ZC3H18: variants seen among roughly 807,000 people sequenced by gnomAD.
The protein encoded by ZC3H18 is zinc finger CCCH domain-containing protein 18.
A neutral mutation model predicts 106.1 loss-of-function variants in ZC3H18; 8 were observed. That is an observed-to-expected ratio of 0.08 (90% CI 0.04 to 0.14). The LOEUF is 0.14. ZC3H18 is among the 10% of genes least tolerant of loss of function. The pLI is 1.00. For synonymous variants in ZC3H18, 635 were observed against 522.1 expected (o/e 1.22, Z -2.95); for missense variants, 1,318 against 1,278.4 (o/e 1.03, Z -0.47).
intron 2 of ZC3H18, among the ~76,000 whole-genome samples, chr16:88,584,864 A>G (rs1462228220): frequency 6.6e-6 from 1 of 152,118 alleles, no homozygotes; most frequent in Non-Finnish European, 1.5e-5. Flanking sequence ...CTGATGCGGG[A>G]AAAACCCTTC....
Position 88,630,179 on chromosome 16 carries a change from G to A in ZC3H18, c.2567-306G>A, listed in dbSNP as rs968272599. 3.8e-5 allele frequency: 13 copies of A among 342,434 alleles called. No individual in the cohort carries two copies. In the Admixed American group the frequency reaches 4.5e-4, roughly 12 times the overall value. 21.2% of individuals were successfully genotyped at this position (342,434 alleles called of 1,614,324 possible). ...ACTGCCATGTCTTTCTTGTTGTTCCGTATTTGAAGACCCATGTGATAAATT... is the reference window on the plus strand; with the variant it reads ...ACTGCCATGTCTTTCTTGTTGTTCCATATTTGAAGACCCATGTGATAAATT... On this transcript the variant is annotated intron_variant, in intron 16 of 17. Coordinates refer to ENST00000301011, the MANE Select transcript of ZC3H18 (RefSeq NM_144604.4).
intron 6 of ZC3H18, among the ~76,000 whole-genome samples, chr16:88,605,093 C>T (rs1378120885): frequency 1.3e-5 from 2 of 152,250 alleles, no homozygotes; most frequent in Admixed American, 1.3e-4. Context: ...CTACCAGATG[C>T]TGGTCCAGCA....
chr16:88,623,978 C>A lies in ZC3H18; in HGVS notation c.1814C>A (p.Ser605Tyr), dbSNP rs1405669373. The A allele has an allele frequency of 1.2e-6, 2 of 1,612,736 alleles. No homozygotes were observed. The highest frequency in any genetic ancestry group is 1.7e-6 in the Non-Finnish European group (2 of 1,179,066). The part of the protein sequence containing the change: ...SRSRSRSFSS[S>Y]PSPSPTPSPH... Reference sequence around the variant, plus strand: ...CCTAGGTCCCGGTCCTTCTCTTCGTCCCCGTCCCCGTCCCCAACACCTTCC... The same window carrying A: ...CCTAGGTCCCGGTCCTTCTCTTCGTACCCGTCCCCGTCCCCAACACCTTCC... The change falls in exon 11 of 18, where the codon TCC becomes TAC. Residue 605 changes from serine (S) to tyrosine (Y), a missense_variant. Coordinates refer to ENST00000301011, the MANE Select transcript of ZC3H18 (RefSeq NM_144604.4).
chr16:88,613,373 T>C (rs1405016200), intron 8 of ZC3H18, among the ~76,000 whole-genome samples: 1 of 152,224 alleles, frequency 6.6e-6, no homozygotes, highest in East Asian at 1.9e-4. Context: ...CAGTGTGGAA[T>C]TGCTAGATCA....
In ZC3H18 at chr16:88,609,295, GTGTT is replaced by G. The variant is rs372050949; in HGVS notation, c.1206+258_1206+261del. 174 of 284,728 alleles carry G rather than the reference GTGTT, an allele frequency of 6.1e-4. 2 individuals carry two copies. In the East Asian group the frequency reaches 7.0e-3, roughly 12 times the overall value. The allele number at this position is 284,728 out of a possible 1,614,324, so 17.6% of individuals were successfully genotyped here. ...TGCTATGGTTTTGTTTTTTTGTGTG[GTGTT>G]TGTTTGTTTGTTTTTTGAGATAGGG... On this transcript the variant is annotated intron_variant, in intron 7 of 17. Transcript: ENST00000301011.
intron 8 of ZC3H18, among the ~76,000 whole-genome samples, chr16:88,616,899 CTT>C (rs1045483927): frequency 7.2e-5 from 11 of 152,184 alleles, no homozygotes; most frequent in African/African-American, 2.7e-4. Context: ...AGCGCAGTCA[CTT>C]TTGTTTGGTC....
chr16:88,580,204 GTGTGTATATGTA>G (rs763441313), intron 2 of ZC3H18, among the ~76,000 whole-genome samples: 2,626 of 68,538 alleles, frequency 0.038, 33 homozygotes, highest in Admixed American at 0.048. Flanking sequence ...GTGTGTGTGT[GTGTGTATATGTA>G]TATGTCTCTG....
intron 9 of ZC3H18, 63 bp from the exon 10 acceptor site, chr16:88,623,156 A>G: frequency 6.3e-7 from 1 of 1,579,044 alleles, no homozygotes; most frequent in Non-Finnish European, 8.6e-7. Context: ...TGTGTGCGTC[A>G]GGGCGTGTGG....
Position 88,599,956 on chromosome 16 carries a change from A to ATGGCCCTGCC in ZC3H18, c.1088+11_1088+20dup. On this transcript the variant is annotated intron_variant, in intron 6 of 17. Transcript: ENST00000301011. ...AGATGTCAGAGACACAGTGTAAGGA[A>ATGGCCCTGCC]TGGCCCTGCCTGCCCCTCCGTTTCC... 6.2e-7 allele frequency: 1 copy of ATGGCCCTGCC among 1,613,476 alleles called. No homozygotes were observed. The highest frequency in any genetic ancestry group is 8.5e-7 in the Non-Finnish European group (1 of 1,179,646).
Position 88,577,645 on chromosome 16 carries a change from G to C in ZC3H18, c.522G>C (p.Val174=). 6.2e-7 allele frequency: 1 copy of C among 1,613,920 alleles called. No homozygotes were observed. The highest frequency in any genetic ancestry group is 8.5e-7 in the Non-Finnish European group (1 of 1,180,042). Residue 174 remains valine (V), a synonymous_variant, in exon 2 of 18, where the codon GTG becomes GTC. Coordinates refer to ENST00000301011, the MANE Select transcript of ZC3H18 (RefSeq NM_144604.4). ...AGGGGAAGGCTGGTGTTCAGAGTGT[G>C]GGAGAAAAGGAATCCCTGGAGGCTG... The part of the protein sequence containing the change: ...REEGKAGVQS[V]GEKESLEAAK...
Position 88,628,944 on chromosome 16 carries a change from A to G in ZC3H18, c.2566+90A>G, listed in dbSNP as rs940315701. The G allele has an allele frequency of 4.1e-5, 54 of 1,301,946 alleles. 1 individual carries two copies. In the South Asian group the frequency reaches 5.9e-4, roughly 14 times the overall value. The allele number at this position is 1,301,946 out of a possible 1,614,324, so 80.6% of individuals were successfully genotyped here. On this transcript the variant is annotated intron_variant, in intron 16 of 17. Coordinates refer to ENST00000301011, the MANE Select transcript of ZC3H18 (RefSeq NM_144604.4). Reference sequence around the variant, plus strand: ...GGTCTGAGACCCCATTGCTCTTAACAAGTAGGAGGAGGGTCCAGAGAACAT... The same window carrying G: ...GGTCTGAGACCCCATTGCTCTTAACGAGTAGGAGGAGGGTCCAGAGAACAT...
chr16:88,597,586 G>T (rs939914124), intron 3 of ZC3H18, among the ~76,000 whole-genome samples: 1 of 152,132 alleles, frequency 6.6e-6, no homozygotes, highest in African/African-American at 2.4e-5. Flanking sequence ...TTACTAACCC[G>T]GATATTCTGT....
At chr16:88,585,564 C>T (rs1376255562) in intron 2 of ZC3H18, among the ~76,000 whole-genome samples, 1 of 152,178 alleles carries the variant, frequency 6.6e-6, no homozygotes, top group Non-Finnish European at 1.5e-5. Context: ...AGGGGGAGCT[C>T]AGGGAAGGCC....
intron 7 of ZC3H18, among the ~76,000 whole-genome samples, chr16:88,610,243 G>C (rs562099802): frequency 5.3e-5 from 8 of 152,290 alleles, no homozygotes; most frequent in African/African-American, 1.7e-4. Flanking sequence ...CCCAGGGAAG[G>C]GTCAGTTAGA....
chr16:88,594,274 T>G (rs931331182), intron 3 of ZC3H18, among the ~76,000 whole-genome samples: 1 of 152,188 alleles, frequency 6.6e-6, no homozygotes, highest in Non-Finnish European at 1.5e-5. Flanking sequence ...TTACTATATA[T>G]TGGATATCTT....
At chr16:88,594,671 G>A (rs1904338481) in intron 3 of ZC3H18, among the ~76,000 whole-genome samples, 1 of 152,196 alleles carries the variant, frequency 6.6e-6, no homozygotes, top group Admixed American at 6.5e-5. Flanking sequence ...ATTGATGGAT[G>A]GAGCCCCAGT....
At chr16:88,626,866 A>G (rs1906343628) in intron 13 of ZC3H18, among the ~76,000 whole-genome samples, 1 of 152,106 alleles carries the variant, frequency 6.6e-6, no homozygotes, top group Admixed American at 6.5e-5. Context: ...GAAGCTACAG[A>G]CCTGCTGTTT....
At chr16:88,601,302 G>T (rs1231853058) in intron 6 of ZC3H18, among the ~76,000 whole-genome samples, 1 of 152,260 alleles carries the variant, frequency 6.6e-6, no homozygotes, top group African/African-American at 2.4e-5. Flanking sequence ...GTCTCCTGAA[G>T]CCCTGGAGGC....
At chr16:88,573,870 C>T (rs1172519800) in intron 1 of ZC3H18, among the ~76,000 whole-genome samples, 1 of 151,864 alleles carries the variant, frequency 6.6e-6, no homozygotes, top group Non-Finnish European at 1.5e-5. Context: ...TTATTGCTAA[C>T]CATTTAGGTT....
Sources: gnomAD v4.1 joint callset for allele counts (sites outside exome capture counted in the v4.1 genomes callset) on GRCh38, gnomAD v4.1.1 for gene constraint, MANE v1.5 for transcripts, NCBI Gene and HGNC (gene_info 2026-07-23, HGNC 2026-07-21) for gene names.